The following ARHGAP26 variants were observed in gnomAD, a reference collection of about 807,000 sequenced individuals.
The protein encoded by ARHGAP26 is Rho GTPase activating protein 26.
In ARHGAP26, 38 loss-of-function variants were observed where a neutral mutation model predicts 104.8. That is an observed-to-expected ratio of 0.36 (90% CI 0.28 to 0.48). The LOEUF (loss-of-function observed/expected upper bound fraction) is 0.48. Among genes scored for constraint, ARHGAP26 ranks in the 20% least tolerant of loss-of-function variants. The probability of loss-of-function intolerance (pLI) is 0.99; values close to 1 mark genes in which losing one functional copy is unlikely to be tolerated. For missense variants in ARHGAP26, 704 were observed against 947.9 expected, an observed-to-expected ratio of 0.74 and a Z score of 3.38; for synonymous variants, 341 against 340.0, an observed-to-expected ratio of 1.00 and a Z score of -0.03.
intron 5 of ARHGAP26, among the ~76,000 whole-genome samples, chr5:142,890,885 T>C (rs1324216499): frequency 1.3e-5 from 2 of 152,258 alleles, no homozygotes; most frequent in African/African-American, 2.4e-5. Context: ...CATTGTAGCA[T>C]TGGAGCTTGC....
chr5:143,147,765 C>T (rs924234796), intron 20 of ARHGAP26, among the ~76,000 whole-genome samples: 1 of 152,146 alleles, frequency 6.6e-6, no homozygotes, highest in Admixed American at 6.5e-5. Flanking sequence ...CGGTTTCCCT[C>T]CCCACTGACT....
chr5:142,960,996 G>C (rs941698730), intron 11 of ARHGAP26, among the ~76,000 whole-genome samples: 1 of 152,094 alleles, frequency 6.6e-6, no homozygotes, highest in East Asian at 1.9e-4. Flanking sequence ...ATTACCACTT[G>C]CCTCTTCCCC....
At chr5:142,933,507 A>G (rs868656295) in intron 11 of ARHGAP26, among the ~76,000 whole-genome samples, 132 of 152,304 alleles carry the variant, frequency 8.7e-4, no homozygotes, top group African/African-American at 2.9e-3. Flanking sequence ...TGTAAGATAG[A>G]TAAGTGTATT....
intron 18 of ARHGAP26, among the ~76,000 whole-genome samples, chr5:143,130,758 G>C (rs933704728): frequency 6.6e-6 from 1 of 152,204 alleles, no homozygotes; most frequent in African/African-American, 2.4e-5. Flanking sequence ...ATTTGCATGT[G>C]TTCAAGTGTC....
chr5:142,819,043 G>A (rs918202138), intron 1 of ARHGAP26, among the ~76,000 whole-genome samples: 5 of 152,122 alleles, frequency 3.3e-5, no homozygotes, highest in African/African-American at 1.2e-4. Flanking sequence ...AGGAGAAACT[G>A]CCTGCTCAGA....
intron 17 of ARHGAP26, among the ~76,000 whole-genome samples, chr5:143,101,943 T>A (rs1461537260): frequency 6.6e-6 from 1 of 152,016 alleles, no homozygotes; most frequent in African/African-American, 2.4e-5. Context: ...GGTTCTATTT[T>A]CCTTAGGGGC....
chr5:143,212,051 A>G (rs1373673907), intron 21 of ARHGAP26, among the ~76,000 whole-genome samples: 2 of 152,150 alleles, frequency 1.3e-5, no homozygotes, highest in South Asian at 2.1e-4. Context: ...AGTGAGGTTA[A>G]TAAATAATGT....
intron 1 of ARHGAP26, among the ~76,000 whole-genome samples, chr5:142,872,065 C>T (rs1471735491): frequency 6.6e-6 from 1 of 152,206 alleles, no homozygotes; most frequent in Non-Finnish European, 1.5e-5. Flanking sequence ...ACGCCCAGCT[C>T]TTCCACTAGC....
intron 20 of ARHGAP26, chr5:143,165,954 G>C (rs1432584429): frequency 6.3e-6 from 7 of 1,115,196 alleles, no homozygotes; most frequent in Non-Finnish European, 8.3e-6. Context: ...CACTTTGCAT[G>C]GCTTCTGGCT....
intron 14 of ARHGAP26, among the ~76,000 whole-genome samples, chr5:143,048,644 A>G (rs1784554709): frequency 6.6e-6 from 1 of 151,508 alleles, no homozygotes; most frequent in Non-Finnish European, 1.5e-5. Flanking sequence ...GGCCAGGTGC[A>G]GTGGCTCACA....
chr5:142,972,651 T>C (rs77725846), intron 11 of ARHGAP26, among the ~76,000 whole-genome samples: 3,467 of 152,254 alleles, frequency 0.023, 135 homozygotes, highest in African/African-American at 0.078. Context: ...AACCATTCTC[T>C]ACCCCCCAAG....
chr5:143,127,423 C>G (rs1796847406), intron 18 of ARHGAP26, among the ~76,000 whole-genome samples: 1 of 152,156 alleles, frequency 6.6e-6, no homozygotes, highest in African/African-American at 2.4e-5. Context: ...TATAATAATT[C>G]CTTCCCTAGT....
intron 18 of ARHGAP26, among the ~76,000 whole-genome samples, chr5:143,124,601 C>T (rs1796510591): frequency 6.6e-6 from 1 of 152,190 alleles, no homozygotes; most frequent in African/African-American, 2.4e-5. Context: ...CAGGTGCTGT[C>T]CCATCATTCA....
intron 10 of ARHGAP26, among the ~76,000 whole-genome samples, chr5:142,923,334 G>A (rs745765574): frequency 2.6e-5 from 4 of 151,964 alleles, no homozygotes; most frequent in Non-Finnish European, 5.9e-5. Flanking sequence ...GAGCTATTAT[G>A]TAATTCTGGA....
chr5:142,859,912 C>G (rs1484589330), intron 1 of ARHGAP26: 1 of 152,332 alleles, frequency 6.6e-6, no homozygotes, highest in Admixed American at 6.5e-5. Context: ...CATCTTCTTG[C>G]ATCTGGCAAG....
At chr5:143,051,451 G>A (rs1409094402) in intron 14 of ARHGAP26, among the ~76,000 whole-genome samples, 1 of 152,200 alleles carries the variant, frequency 6.6e-6, no homozygotes. Flanking sequence ...CAGTGGTCAA[G>A]GGACATGGTG....
intron 9 of ARHGAP26, among the ~76,000 whole-genome samples, chr5:142,910,109 T>A (rs1761637106): frequency 6.6e-6 from 1 of 152,224 alleles, no homozygotes; most frequent in South Asian, 2.1e-4. Context: ...GAGTTAATTT[T>A]CCTAGTAATT....
intron 10 of ARHGAP26, 35 bp from the exon 11 acceptor site, chr5:142,932,012 C>A: frequency 6.3e-7 from 1 of 1,597,338 alleles, no homozygotes; most frequent in Non-Finnish European, 8.6e-7. Context: ...ACATGTGGCA[C>A]TGGTTTCATA....
At chr5:143,024,126 G>T (rs756075786) in intron 12 of ARHGAP26, among the ~76,000 whole-genome samples, 2 of 152,208 alleles carry the variant, frequency 1.3e-5, no homozygotes, top group Admixed American at 1.3e-4. Flanking sequence ...GGCTCGGAGG[G>T]CAGGGGGCTG....
Sources: gnomAD v4.1 joint callset for allele counts (sites outside exome capture counted in the v4.1 genomes callset) on GRCh38, gnomAD v4.1.1 for gene constraint, MANE v1.5 for transcripts, NCBI Gene and HGNC (gene_info 2026-07-23, HGNC 2026-07-21) for gene names.